SPECC1L: variants seen among roughly 807,000 people sequenced by gnomAD.
SPECC1L encodes the protein cytospin-A.
Under a neutral mutation model 116.8 loss-of-function variants are expected in SPECC1L, and 40 were observed. The ratio of observed to expected loss-of-function variants is 0.34; its 90% CI spans 0.27 to 0.45. The LOEUF (loss-of-function observed/expected upper bound fraction) is 0.45, where lower values mean the gene tolerates loss of function less well. Among genes scored for constraint, SPECC1L ranks in the 20% least tolerant of loss-of-function variants. The pLI is 1.00. For missense variants in SPECC1L, 1,110 were observed against 1,373.6 expected (o/e 0.81, Z 3.03); for synonymous variants, 504 against 500.6 (o/e 1.01, Z -0.09).
intron 10 of SPECC1L, among the ~76,000 whole-genome samples, chr22:24,346,637 G>T (rs1424999892): frequency 2.0e-5 from 3 of 152,180 alleles, no homozygotes; most frequent in African/African-American, 7.2e-5. Context: ...GTTGGGGACG[G>T]GAAGAGGGGT....
At chr22:24,401,161 A>G (rs982148565) in intron 14 of SPECC1L, among the ~76,000 whole-genome samples, 8 of 152,174 alleles carry the variant, frequency 5.3e-5, no homozygotes, top group Non-Finnish European at 1.2e-4. Flanking sequence ...TTAAGATCCA[A>G]ATAGGGTTCT....
At chr22:24,317,340 G>T (rs2040604863) in intron 4 of SPECC1L, among the ~76,000 whole-genome samples, 1 of 126,668 alleles carries the variant, frequency 7.9e-6, no homozygotes, top group Non-Finnish European at 1.8e-5. Context: ...CTCCCGGACG[G>T]GGCGGCTGGC....
intron 3 of SPECC1L, among the ~76,000 whole-genome samples, chr22:24,309,152 C>G (rs1023932309): frequency 6.6e-6 from 1 of 152,108 alleles, no homozygotes; most frequent in Non-Finnish European, 1.5e-5. Flanking sequence ...CACACACACA[C>G]GCACATATCT....
chr22:24,364,046 C>T (rs1263232210), intron 12 of SPECC1L, among the ~76,000 whole-genome samples: 1 of 152,150 alleles, frequency 6.6e-6, no homozygotes, highest in Non-Finnish European at 1.5e-5. Flanking sequence ...GCCTGCAGAT[C>T]CACCTTCTTC....
intron 6 of SPECC1L, among the ~76,000 whole-genome samples, chr22:24,325,292 A>G (rs1163758438): frequency 1.3e-5 from 2 of 152,232 alleles, no homozygotes; most frequent in Admixed American, 6.5e-5. Context: ...TTGAAGAGTA[A>G]TGCTGCTTTC....
chr22:24,338,622 A>G (rs1322993060), intron 10 of SPECC1L, 145 bp downstream of exon 10: 6 of 647,096 alleles, frequency 9.3e-6, no homozygotes, highest in Non-Finnish European at 1.6e-5. Flanking sequence ...CTAAAATACT[A>G]TAAATATCTT....
chr22:24,363,509 G>A (rs1261075134), intron 12 of SPECC1L, among the ~76,000 whole-genome samples, 165 bp downstream of exon 12: 2 of 152,172 alleles, frequency 1.3e-5, no homozygotes, highest in African/African-American at 4.8e-5. Context: ...TTACAGGTGT[G>A]AGCCACTGTG....
chr22:24,376,848 T>C (rs1273358614), intron 14 of SPECC1L, among the ~76,000 whole-genome samples: 1 of 152,040 alleles, frequency 6.6e-6, no homozygotes, highest in Admixed American at 6.5e-5. Context: ...GAACTTTTTT[T>C]ATTGAGATAT....
rs1187407880 is a variant in SPECC1L, at chr22:24,417,321, G to T, written c.*2698G>T. 3 of 152,434 alleles carry T rather than the reference G, an allele frequency of 2.0e-5. No homozygotes were observed. The highest frequency in any genetic ancestry group is 4.4e-5 in the Non-Finnish European group (3 of 68,036). The allele number at this position is 152,434 out of a possible 1,614,324, so 9.4% of individuals were successfully genotyped here. A position where few individuals can be genotyped will look rare whatever the true frequency, so the allele number is the denominator to read the frequency against. ...CTGACGTCGCATAAACCAGAACCCA[G>T]CTCCCTCCTGGGACTGGCTGTGGAG... On this transcript the variant is annotated 3_prime_UTR_variant, in exon 17 of 17. Coordinates refer to ENST00000314328, the MANE Select transcript of SPECC1L (RefSeq NM_015330.6).
rs183873177 is a variant in SPECC1L at position 24,394,724 on chromosome 22, C to T, written c.3088-16864C>T. Among the ~76,000 whole-genome samples the T allele has an allele frequency of 3.9e-5, 6 of 152,288 alleles. No individual in the cohort carries two copies. The East Asian group carries it at 9.6e-4, about 24-fold the overall frequency. On this transcript the variant is annotated intron_variant, in intron 14 of 16. Coordinates refer to ENST00000314328, the MANE Select transcript of SPECC1L (RefSeq NM_015330.6). ...GTGGTCAGCCTCTAGACATTCGGAA[C>T]GTGTAGTGCTGTTTCCTGGTTTTAA...
intron 14 of SPECC1L, among the ~76,000 whole-genome samples, chr22:24,397,259 A>G (rs1413742117): frequency 6.6e-6 from 1 of 152,154 alleles, no homozygotes; most frequent in African/African-American, 2.4e-5. Flanking sequence ...TCTGTAAGCA[A>G]TAAAATAAGT....
At chr22:24,401,257 G>A (rs1451866875) in intron 14 of SPECC1L, among the ~76,000 whole-genome samples, 1 of 152,190 alleles carries the variant, frequency 6.6e-6, no homozygotes, top group African/African-American at 2.4e-5. Flanking sequence ...GAAGGAACGG[G>A]ATTGATTGTG....
intron 14 of SPECC1L, among the ~76,000 whole-genome samples, chr22:24,410,011 C>G (rs779027086): frequency 2.6e-5 from 4 of 152,206 alleles, no homozygotes; most frequent in Non-Finnish European, 4.4e-5. Context: ...ACAGAGAGAC[C>G]CTGTCTCAAA....
intron 12 of SPECC1L, among the ~76,000 whole-genome samples, chr22:24,363,988 G>A (rs902456642): frequency 3.3e-5 from 5 of 152,128 alleles, no homozygotes; most frequent in Non-Finnish European, 5.9e-5. Flanking sequence ...TTACTGACAT[G>A]TAACATGGAT....
intron 2 of SPECC1L, among the ~76,000 whole-genome samples, chr22:24,300,903 T>C (rs2049364056): frequency 1.3e-5 from 2 of 152,144 alleles, no homozygotes; most frequent in African/African-American, 4.8e-5. Context: ...CTGGGAAAAC[T>C]GGGTAGCTGT....
intron 11 of SPECC1L, among the ~76,000 whole-genome samples, chr22:24,356,761 A>G (rs1021238074): frequency 1.3e-5 from 2 of 152,024 alleles, no homozygotes; most frequent in Admixed American, 6.5e-5. Flanking sequence ...TCTTGGGTCC[A>G]TTGACCATTT....
chr22:24,276,671 C>T, intron 1 of SPECC1L, 29 bp from the exon 2 acceptor site: 1 of 388,454 alleles, frequency 2.6e-6, no homozygotes, highest in South Asian at 1.8e-5. Context: ...AAATTTAAAG[C>T]TATTCTATTC....
chr22:24,309,614 T>C (rs141132403), intron 3 of SPECC1L, among the ~76,000 whole-genome samples: 3,772 of 152,268 alleles, frequency 0.025, 71 homozygotes, highest in African/African-American at 0.051. Flanking sequence ...TTGGCCAGGC[T>C]GGTCTTGAAC....
intron 4 of SPECC1L, among the ~76,000 whole-genome samples, chr22:24,316,880 T>C (rs6519506): frequency 0.32 from 29,763 of 92,816 alleles, 6,239 homozygotes; most frequent in African/African-American, 0.44. Context: ...CCTCACCTCC[T>C]GGATGGGGCG....
Sources: gnomAD v4.1 joint callset for allele counts (sites outside exome capture counted in the v4.1 genomes callset) on GRCh38, gnomAD v4.1.1 for gene constraint, MANE v1.5 for transcripts, NCBI Gene and HGNC (gene_info 2026-07-23, HGNC 2026-07-21) for gene names.